AGPAT5: variants seen among roughly 807,000 people sequenced by gnomAD.
AGPAT5 encodes the protein 1-acyl-sn-glycerol-3-phosphate acyltransferase epsilon.
A neutral mutation model predicts 45.6 loss-of-function variants in AGPAT5; 46 were observed. That is an observed-to-expected ratio of 1.01 (90% CI 0.80 to 1.29). The LOEUF (loss-of-function observed/expected upper bound fraction) is 1.29, where lower values mean the gene tolerates loss of function less well. Ranked by LOEUF, AGPAT5 falls within the 50% of genes most tolerant of loss-of-function variation. The probability of loss-of-function intolerance (pLI) is 0.00; values close to 1 mark genes in which losing one functional copy is unlikely to be tolerated. For synonymous variants in AGPAT5, 272 were observed against 167.0 expected (o/e 1.63, Z -4.85); for missense variants, 673 against 450.7 (o/e 1.49, Z -4.47).
intron 5 of AGPAT5, among the ~76,000 whole-genome samples, chr8:6,744,351 G>T (rs1367851129): frequency 2.6e-5 from 4 of 152,148 alleles, no homozygotes; most frequent in Non-Finnish European, 5.9e-5. Context: ...CGGCACTCTC[G>T]CTCTTAAGAA....
At chr8:6,744,565 C>G (rs1375514148) in intron 5 of AGPAT5, among the ~76,000 whole-genome samples, 1 of 152,014 alleles carries the variant, frequency 6.6e-6, no homozygotes, top group Non-Finnish European at 1.5e-5. Context: ...GGTTCGGGGT[C>G]CTGTGCTTGG....
intron 4 of AGPAT5, among the ~76,000 whole-genome samples, chr8:6,734,257 GTT>G (rs112153658): frequency 6.8e-6 from 1 of 147,544 alleles, no homozygotes; most frequent in African/African-American, 2.5e-5. Flanking sequence ...TTTTTTGTTG[GTT>G]TTTTTTTTAA....
rs1801789554 is a variant in AGPAT5 at position 6,755,084 on chromosome 8, T to C, written c.779T>C (p.Ile260Thr). 6.2e-7 allele frequency: 1 copy of C among 1,600,948 alleles called. No homozygotes were observed. ...TGCAAAGAATGTCCAAAAATTCATA[T>C]TCACATTGATCGTATCGACAAAAAA... is the stretch of plus-strand genomic sequence containing the variant. ...FLCKECPKIH[I>T]HIDRIDKKDV... is the part of the protein sequence containing the mutation. Residue 260 changes from isoleucine to threonine, a missense_variant, in exon 7 of 8, where the codon ATT becomes ACT. Ile to Thr is a moderately conservative substitution (Grantham distance 89, BLOSUM62 -1). Coordinates refer to ENST00000285518, the MANE Select transcript of AGPAT5 (RefSeq NM_018361.5).
chr8:6,709,709 G>C (rs7844942), intron 1 of AGPAT5, among the ~76,000 whole-genome samples: 7,407 of 151,786 alleles, frequency 0.049, 603 homozygotes, highest in African/African-American at 0.17. Flanking sequence ...GTATCATTTT[G>C]TCTTTTTAAC....
chr8:6,713,197 T>A (rs1294035603), intron 1 of AGPAT5, among the ~76,000 whole-genome samples: 2 of 152,248 alleles, frequency 1.3e-5, no homozygotes, highest in East Asian at 3.8e-4. Context: ...CTTGAATTCC[T>A]GGCCTCAGGT....
chr8:6,751,032 T>C (rs555568422), intron 6 of AGPAT5, among the ~76,000 whole-genome samples: 6 of 152,326 alleles, frequency 3.9e-5, no homozygotes, highest in African/African-American at 1.4e-4. Flanking sequence ...AACTCTGCTT[T>C]CATTGTTTTT....
At chr8:6,744,019 TAACTG>T (rs1801336623) in intron 5 of AGPAT5, among the ~76,000 whole-genome samples, 1 of 152,070 alleles carries the variant, frequency 6.6e-6, no homozygotes, top group Non-Finnish European at 1.5e-5. Context: ...TTTGTAGACT[TAACTG>T]AATAAAAATT....
At chr8:6,720,411 C>T (rs1356240841) in intron 1 of AGPAT5, among the ~76,000 whole-genome samples, 3 of 152,146 alleles carry the variant, frequency 2.0e-5, no homozygotes, top group South Asian at 2.1e-4. Flanking sequence ...TAAGTCAGAA[C>T]AGTGCTTGTC....
At chr8:6,744,199 A>G (rs1449017211) in intron 5 of AGPAT5, among the ~76,000 whole-genome samples, 2 of 152,260 alleles carry the variant, frequency 1.3e-5, no homozygotes, top group Admixed American at 6.5e-5. Flanking sequence ...AAGAAATTCA[A>G]GAGATACAAA....
intron 4 of AGPAT5, among the ~76,000 whole-genome samples, chr8:6,739,876 C>G (rs1299071570): frequency 6.6e-6 from 1 of 152,076 alleles, no homozygotes; most frequent in Non-Finnish European, 1.5e-5. Context: ...TCTTTAGTTC[C>G]TAGCCCCATT....
chr8:6,751,308 TC>T, intron 6 of AGPAT5, among the ~76,000 whole-genome samples: 1 of 152,268 alleles, frequency 6.6e-6, no homozygotes, highest in East Asian at 1.9e-4. Context: ...ATAATTTTTT[TC>T]TGAAGTTGGT....
At chr8:6,747,899 T>C (rs1432112634) in intron 6 of AGPAT5, 71 bp downstream of exon 6, 14 of 1,468,754 alleles carry the variant, frequency 9.5e-6, no homozygotes, top group African/African-American at 2.8e-5. Context: ...TAGAATTCAG[T>C]TTTACAAAGT....
chr8:6,731,832 T>G (rs949055319), intron 3 of AGPAT5, among the ~76,000 whole-genome samples: 7 of 152,296 alleles, frequency 4.6e-5, no homozygotes, highest in African/African-American at 1.4e-4. Flanking sequence ...TTGACAGGGT[T>G]AGTTTCTCCC....
rs144681174 is a variant in AGPAT5 at position 6,757,308 on chromosome 8, G to A, written c.1015G>A (p.Asp339Asn). 1.1e-4 allele frequency: 178 copies of A among 1,614,190 alleles called. No individual in the cohort carries two copies. The highest frequency in any genetic ancestry group is 9.0e-5 in the Non-Finnish European group (106 of 1,180,036). ...TTTGACTGCAGGCATGCTTATGACCGATGCTGGAAGGAAGCTGTATGTGAA... is the reference window on the plus strand; with the variant it reads ...TTTGACTGCAGGCATGCTTATGACCAATGCTGGAAGGAAGCTGTATGTGAA... The part of the protein sequence containing the change: ...SGLTAGMLMT[D>N]AGRKLYVNTW... Residue 339 changes from aspartate to asparagine, a missense_variant, in exon 8 of 8, where the codon GAT becomes AAT. Physicochemically the swap from Asp to Asn is conservative, Grantham distance 23. Coordinates refer to ENST00000285518, the MANE Select transcript of AGPAT5 (RefSeq NM_018361.5).
chr8:6,714,659 G>A (rs1360359165), intron 1 of AGPAT5, among the ~76,000 whole-genome samples: 1 of 152,198 alleles, frequency 6.6e-6, no homozygotes, highest in Non-Finnish European at 1.5e-5. Context: ...GTACATCCCA[G>A]TTTGGTGTGT....
At chr8:6,716,030 C>G (rs75369723) in intron 1 of AGPAT5, among the ~76,000 whole-genome samples, 2 of 152,134 alleles carry the variant, frequency 1.3e-5, no homozygotes, top group African/African-American at 4.8e-5. Flanking sequence ...CGCCCCTCCC[C>G]ACATTAGACC....
At chr8:6,717,964 C>G (rs925541688) in intron 1 of AGPAT5, among the ~76,000 whole-genome samples, 1 of 152,164 alleles carries the variant, frequency 6.6e-6, no homozygotes, top group African/African-American at 2.4e-5. Context: ...AGGTGTAATT[C>G]CTATTTCTCT....
intron 5 of AGPAT5, 52 bp from the exon 6 acceptor site, chr8:6,747,618 A>G (rs984379506): frequency 1.3e-6 from 2 of 1,516,490 alleles, no homozygotes; most frequent in African/African-American, 2.7e-5. Context: ...TAAACAGTAT[A>G]TTGTGGAGGT....
intron 4 of AGPAT5, among the ~76,000 whole-genome samples, chr8:6,735,396 G>T (rs1404830988): frequency 3.9e-5 from 6 of 152,180 alleles, no homozygotes; most frequent in Non-Finnish European, 5.9e-5. Flanking sequence ...GTACACAGGA[G>T]GTCTGTGGGT....
Sources: gnomAD v4.1 joint callset for allele counts (sites outside exome capture counted in the v4.1 genomes callset) on GRCh38, gnomAD v4.1.1 for gene constraint, MANE v1.5 for transcripts, NCBI Gene and HGNC (gene_info 2026-07-23, HGNC 2026-07-21) for gene names.